Variants in TRAPPC13 observed in about 807,000 individuals in gnomAD.
The protein encoded by TRAPPC13 is REV7-interacting novel NHEJ regulator 1.
Under a neutral mutation model 54.0 loss-of-function variants are expected in TRAPPC13, and 39 were observed. That is an observed-to-expected ratio of 0.72 (90% CI 0.56 to 0.94). The LOEUF (loss-of-function observed/expected upper bound fraction) is 0.94. Among genes scored for constraint, TRAPPC13 ranks in the 40% least tolerant of loss-of-function variants. The probability of loss-of-function intolerance (pLI) is 0.00; values close to 1 mark genes in which losing one functional copy is unlikely to be tolerated. For missense variants in TRAPPC13, 386 were observed against 488.1 expected (o/e 0.79, Z 1.97); for synonymous variants, 148 against 167.7 (o/e 0.88, Z 0.91).
intron 4 of TRAPPC13, among the ~76,000 whole-genome samples, chr5:65,645,825 A>T (rs185139171): frequency 5.3e-5 from 8 of 152,198 alleles, no homozygotes; most frequent in Non-Finnish European, 5.9e-5. Context: ...CAAACAAAAA[A>T]CTGTTTTATA....
rs1581235660 is a variant in TRAPPC13, at chr5:65,662,046, T to A, written c.898-4T>A. On this transcript the variant is annotated splice_polypyrimidine_tract_variant and splice_region_variant and intron_variant, in intron 10 of 12. Transcript: ENST00000399438. ...TACATTAACTGTGTTGCTTGTTTTC[T>A]TAGGCTCCAGGTTATGGAGATGTTA... The A allele has an allele frequency of 1.3e-6, 2 of 1,593,116 alleles. No homozygotes were observed.
At chr5:65,651,741 A>G (rs1756452242) in intron 6 of TRAPPC13, among the ~76,000 whole-genome samples, 1 of 150,046 alleles carries the variant, frequency 6.7e-6, no homozygotes, top group Non-Finnish European at 1.5e-5. Context: ...ATTCCTTTGT[A>G]AGTGGAAGAA....
chr5:65,664,536 C>T lies in TRAPPC13; in HGVS notation c.1179C>T (p.Phe393=), dbSNP rs1279709170. ...SISGLRLTDT[F]LKRTYEYDDI... is the part of the protein sequence containing the mutation. ...CTGGCTTAAGACTAACAGACACATTCTTAAAGAGAACATATGAATATGATG... is the reference window on the plus strand; with the variant it reads ...CTGGCTTAAGACTAACAGACACATTTTTAAAGAGAACATATGAATATGATG... Residue 393 remains phenylalanine, a synonymous_variant, in exon 13 of 13, where the codon TTC becomes TTT. Coordinates refer to ENST00000399438, the MANE Select transcript of TRAPPC13 (RefSeq NM_024941.4). 4 of 1,611,906 alleles carry T rather than the reference C, an allele frequency of 2.5e-6. No individual in the cohort carries two copies. The highest frequency in any genetic ancestry group is 3.4e-6 in the Non-Finnish European group (4 of 1,179,456).
chr5:65,635,283 T>C lies in TRAPPC13; in HGVS notation c.47-18T>C. On this transcript the variant is annotated intron_variant, in intron 1 of 12. Coordinates refer to ENST00000399438, the MANE Select transcript of TRAPPC13 (RefSeq NM_024941.4). ...GCAGTATTAATGTTTTGTTTTCTTT[T>C]ACTTTTTTACTTCACAGTGATGCGG... The C allele has an allele frequency of 3.1e-6, 5 of 1,610,404 alleles. No individual in the cohort carries two copies. Among genetic ancestry groups the C allele is most frequent in the Non-Finnish European group, 4.2e-6 (5 of 1,177,118 alleles).
Position 65,636,880 on chromosome 5 carries a change from G to A in TRAPPC13, c.216-816G>A, listed in dbSNP as rs927770560. On this transcript the variant is annotated intron_variant, in intron 3 of 12. Coordinates refer to ENST00000399438, the MANE Select transcript of TRAPPC13 (RefSeq NM_024941.4). ...TATAGTTTTACAGAATGTGGTCATT[G>A]ACTAGTGTCTTGAAAAACTGGGAAA... 2.6e-5 allele frequency among the ~76,000 whole-genome samples: 4 copies of A among 152,170 alleles called. No individual in the cohort carries two copies. The East Asian group carries it at 7.7e-4, about 29-fold the overall frequency.
intron 4 of TRAPPC13, among the ~76,000 whole-genome samples, chr5:65,638,190 G>A (rs1310888959): frequency 6.6e-6 from 1 of 151,654 alleles, no homozygotes; most frequent in Non-Finnish European, 1.5e-5. Flanking sequence ...TTAAATGCAC[G>A]TTTGATACAA....
At chr5:65,645,794 ACT>A (rs1756179906) in intron 4 of TRAPPC13, among the ~76,000 whole-genome samples, 2 of 152,200 alleles carry the variant, frequency 1.3e-5, no homozygotes, top group Admixed American at 1.3e-4. Context: ...ACAGAGCAAG[ACT>A]CTGTCTCAAA....
chr5:65,647,839 G>A (rs1351829547), intron 5 of TRAPPC13, among the ~76,000 whole-genome samples: 1 of 151,768 alleles, frequency 6.6e-6, no homozygotes, highest in Non-Finnish European at 1.5e-5. Flanking sequence ...TACCACTTTT[G>A]CTTCTCTTTG....
At chr5:65,648,118 C>A (rs563147723) in intron 5 of TRAPPC13, among the ~76,000 whole-genome samples, 1 of 152,240 alleles carries the variant, frequency 6.6e-6, no homozygotes, top group South Asian at 2.1e-4. Flanking sequence ...GTAGTTCTTA[C>A]CATCACCACC....
chr5:65,659,155 G>A (rs1345786677), intron 9 of TRAPPC13, among the ~76,000 whole-genome samples: 2 of 152,096 alleles, frequency 1.3e-5, no homozygotes, highest in African/African-American at 4.8e-5. Context: ...TTTTTGGTTT[G>A]TTTTGTTTTA....
intron 4 of TRAPPC13, among the ~76,000 whole-genome samples, chr5:65,640,276 G>A (rs994467711): frequency 7.9e-5 from 12 of 152,226 alleles, no homozygotes; most frequent in Non-Finnish European, 1.6e-4. Flanking sequence ...GGTGGCTCCT[G>A]CCTATAATCC....
At chr5:65,635,250 A>T in intron 1 of TRAPPC13, 51 bp from the exon 2 acceptor site, 1 of 1,474,706 alleles carries the variant, frequency 6.8e-7, no homozygotes, top group Non-Finnish European at 9.4e-7. Flanking sequence ...TGAGAATATT[A>T]ACCCTAAGCA....
chr5:65,640,296 G>A (rs1027835894), intron 4 of TRAPPC13, among the ~76,000 whole-genome samples: 1 of 152,140 alleles, frequency 6.6e-6, no homozygotes, highest in Non-Finnish European at 1.5e-5. Flanking sequence ...CCAGTGCTTT[G>A]GGAGCCAAGG....
At chr5:65,626,390 G>C (rs1037332169) in intron 1 of TRAPPC13, among the ~76,000 whole-genome samples, 1 of 152,160 alleles carries the variant, frequency 6.6e-6, no homozygotes, top group Non-Finnish European at 1.5e-5. Context: ...TGGGAATTTG[G>C]AACAGTTCTA....
At chr5:65,629,289 T>G (rs1755413347) in intron 1 of TRAPPC13, among the ~76,000 whole-genome samples, 1 of 152,204 alleles carries the variant, frequency 6.6e-6, no homozygotes. Context: ...TTCAGATCCC[T>G]TATTTTGGTA....
Position 65,664,249 on chromosome 5 carries a change from G to A in TRAPPC13, c.1011G>A (p.Met337Ile). 1 of 1,613,790 alleles carries A rather than the reference G, an allele frequency of 6.2e-7. No individual in the cohort carries two copies. Among genetic ancestry groups the A allele is most frequent in the Non-Finnish European group, 8.5e-7 (1 of 1,179,770 alleles). Reference protein sequence around the residue: ...CKITNCSERTMDLVLEMCNTN... With the variant: ...CKITNCSERTIDLVLEMCNTN... Reference sequence around the variant, plus strand: ...ATTCCTCCAGCAGTGAAAGGACTATGGATCTGGTTTTGGAAATGTGCAATA... The same window carrying A: ...ATTCCTCCAGCAGTGAAAGGACTATAGATCTGGTTTTGGAAATGTGCAATA... Residue 337 changes from methionine to isoleucine, a missense_variant, in exon 12 of 13, where the codon ATG (methionine) becomes ATA (isoleucine). By Grantham distance (10) the Met-to-Ile change is conservative (BLOSUM62 1). Transcript: ENST00000399438.
intron 4 of TRAPPC13, among the ~76,000 whole-genome samples, chr5:65,643,932 A>G (rs1007240584): frequency 6.6e-6 from 1 of 151,924 alleles, no homozygotes; most frequent in Non-Finnish European, 1.5e-5. Context: ...ATTCAAGTAG[A>G]TTGCTCAGGA....
intron 8 of TRAPPC13, among the ~76,000 whole-genome samples, chr5:65,656,040 ATG>A (rs1756640895): frequency 6.6e-6 from 1 of 152,138 alleles, no homozygotes. Flanking sequence ...TCATTTTCAG[ATG>A]CACAGTGGTT....
At chr5:65,661,880 C>T in intron 10 of TRAPPC13, 170 bp from the exon 11 acceptor site, 1 of 501,808 alleles carries the variant, frequency 2.0e-6, no homozygotes, top group Middle Eastern at 3.0e-4. Flanking sequence ...CAGGCAGTAG[C>T]TGCAAAAGAA....
Sources: gnomAD v4.1 joint callset for allele counts (sites outside exome capture counted in the v4.1 genomes callset) on GRCh38, gnomAD v4.1.1 for gene constraint, MANE v1.5 for transcripts, NCBI Gene and HGNC (gene_info 2026-07-23, HGNC 2026-07-21) for gene names.